The following LDLRAD3 variants were observed in gnomAD, a reference collection of about 807,000 sequenced individuals.
LDLRAD3 encodes low-density lipoprotein receptor class A domain-containing protein 3.
Under a neutral mutation model 29.4 loss-of-function variants are expected in LDLRAD3, and 20 were observed. The ratio of observed to expected loss-of-function variants is 0.68; its 90% confidence interval spans 0.48 to 0.99. LDLRAD3 has a LOEUF of 0.99. LDLRAD3 is among the 50% of genes least tolerant of loss of function. The pLI, the probability that LDLRAD3 is intolerant of heterozygous loss-of-function variation, is 0.00. For synonymous variants in LDLRAD3, 157 were observed against 192.7 expected, an observed-to-expected ratio of 0.81 and a Z score of 1.53; for missense variants, 420 against 454.3, an observed-to-expected ratio of 0.92 and a Z score of 0.69.
At chr11:36,193,154 A>G (rs1052627377) in intron 4 of LDLRAD3, among the ~76,000 whole-genome samples, 1 of 152,180 alleles carries the variant, frequency 6.6e-6, no homozygotes, top group Non-Finnish European at 1.5e-5. Context: ...CATCTGTAAA[A>G]TGGGGGTAAT....
intron 4 of LDLRAD3, among the ~76,000 whole-genome samples, chr11:36,202,973 G>T (rs1292391904): frequency 2.0e-5 from 3 of 152,098 alleles, no homozygotes; most frequent in African/African-American, 7.2e-5. Flanking sequence ...GTCTTGCTCT[G>T]TCGCCCAGGC....
intron 1 of LDLRAD3, among the ~76,000 whole-genome samples, chr11:35,975,425 A>G (rs2133151256): frequency 6.6e-6 from 1 of 152,240 alleles, no homozygotes; most frequent in South Asian, 2.1e-4. Context: ...GAAGAACAAG[A>G]GCATGCAGAA....
chr11:36,218,689 C>T (rs944870168), intron 4 of LDLRAD3, among the ~76,000 whole-genome samples: 2 of 152,212 alleles, frequency 1.3e-5, no homozygotes, highest in African/African-American at 4.8e-5. Context: ...GCCAGGTAAA[C>T]ATCCAGCATC....
At chr11:36,054,985 G>GCAT (rs1852594347) in intron 2 of LDLRAD3, among the ~76,000 whole-genome samples, 1 of 120,664 alleles carries the variant, frequency 8.3e-6, no homozygotes, top group Admixed American at 9.7e-5. Context: ...ATGGATGGAT[G>GCAT]GATGGATGGA....
chr11:35,994,957 C>T (rs1851735691), intron 1 of LDLRAD3, among the ~76,000 whole-genome samples: 1 of 152,228 alleles, frequency 6.6e-6, no homozygotes, highest in African/African-American at 2.4e-5. Flanking sequence ...GCTCTTTCCA[C>T]TACATCTGCA....
intron 3 of LDLRAD3, 41 bp downstream of exon 3, chr11:36,081,819 T>G (rs188767462): frequency 1.2e-6 from 2 of 1,608,994 alleles, no homozygotes; most frequent in East Asian, 4.5e-5. Flanking sequence ...CCTTGTTCTT[T>G]CCCGCCAGCC....
rs540862369 is a variant in LDLRAD3, at chr11:35,946,715, G to T, written c.46+2571G>T. 5.3e-5 allele frequency among the ~76,000 whole-genome samples: 8 copies of T among 152,186 alleles called. No homozygotes were observed. In the South Asian group the frequency reaches 1.7e-3, roughly 32 times the overall value. On this transcript the variant is annotated intron_variant, in intron 1 of 5. Transcript: ENST00000315571. The stretch of plus-strand genomic sequence containing the variant: ...CTTTGCCTAGACTTCCTGACATTCT[G>T]TATCAGTGAAAAGGCTTGATTTTCC...
At chr11:35,956,139 G>A (rs1309021491) in intron 1 of LDLRAD3, among the ~76,000 whole-genome samples, 1 of 152,194 alleles carries the variant, frequency 6.6e-6, no homozygotes, top group African/African-American at 2.4e-5. Context: ...AAAGGTTACT[G>A]AGGAGAAGGT....
intron 4 of LDLRAD3, chr11:36,196,239 A>G (rs141471586): frequency 2.0e-5 from 3 of 152,242 alleles, no homozygotes; most frequent in Non-Finnish European, 2.9e-5. Flanking sequence ...TTCTTACTCT[A>G]AGACACAAGG....
At chr11:36,191,384 AAAAATTATTATAGC>A (rs1854939573) in intron 4 of LDLRAD3, among the ~76,000 whole-genome samples, 1 of 151,852 alleles carries the variant, frequency 6.6e-6, no homozygotes, top group Non-Finnish European at 1.5e-5. Context: ...CAGAAAAATT[AAAAATTATTATAGC>A]TGGGCGTGGT....
At chr11:36,153,668 G>A (rs1281432758) in intron 4 of LDLRAD3, among the ~76,000 whole-genome samples, 1 of 152,080 alleles carries the variant, frequency 6.6e-6, no homozygotes, top group Non-Finnish European at 1.5e-5. Flanking sequence ...CAATCCCAGT[G>A]ACCCATTTCC....
chr11:36,191,843 A>C (rs1854958690), intron 4 of LDLRAD3, among the ~76,000 whole-genome samples: 1 of 151,962 alleles, frequency 6.6e-6, no homozygotes, highest in Non-Finnish European at 1.5e-5. Flanking sequence ...TTTCTTGATC[A>C]AGATAATAAA....
rs190655908 is a variant in LDLRAD3, at chr11:36,165,648, T to G, written c.455-61437T>G. 6.4e-4 allele frequency among the ~76,000 whole-genome samples: 98 copies of G among 152,286 alleles called. No homozygotes were observed. In the Middle Eastern group the frequency reaches 0.01, roughly 16 times the overall value. ...TATTTAGGAAGGTCCTGCTGTGTTT[T>G]GCATAGTTCATTGGAAATTCTAGGA... On this transcript the variant is annotated intron_variant, in intron 4 of 5. Transcript: ENST00000315571.
At chr11:36,071,474 C>A (rs1299655489) in intron 2 of LDLRAD3, among the ~76,000 whole-genome samples, 1 of 152,148 alleles carries the variant, frequency 6.6e-6, no homozygotes, top group African/African-American at 2.4e-5. Flanking sequence ...ATTGAAAACA[C>A]CCCAAATGTC....
chr11:36,209,594 G>A (rs993549918), intron 4 of LDLRAD3, among the ~76,000 whole-genome samples: 2 of 151,976 alleles, frequency 1.3e-5, no homozygotes, highest in Non-Finnish European at 2.9e-5. Flanking sequence ...TACTGACCTC[G>A]TGATCCACCT....
chr11:35,976,682 A>G (rs1851480214), intron 1 of LDLRAD3, among the ~76,000 whole-genome samples: 1 of 152,130 alleles, frequency 6.6e-6, no homozygotes, highest in African/African-American at 2.4e-5. Context: ...TGAGTTGAAT[A>G]ACACAAAGTC....
chr11:36,213,606 C>A lies in LDLRAD3; in HGVS notation c.455-13479C>A, dbSNP rs116554434. On this transcript the variant is annotated intron_variant, in intron 4 of 5. Coordinates refer to ENST00000315571, the MANE Select transcript of LDLRAD3 (RefSeq NM_174902.4). The surrounding 1 kb of genome is among the most constrained non-coding windows in gnomAD (Gnocchi z 4.1). Reference sequence around the variant, plus strand: ...GTGTGGCTGCCACTGTGGCAGAGGCCATGGTAGGAGGCATGCAGGAGTGAA... The same window carrying A: ...GTGTGGCTGCCACTGTGGCAGAGGCAATGGTAGGAGGCATGCAGGAGTGAA... Among the ~76,000 whole-genome samples the A allele has an allele frequency of 5.7e-3, 872 of 152,294 alleles. 11 individuals carry two copies. The highest frequency in any genetic ancestry group is 0.02 in the African/African-American group (829 of 41,578).
intron 2 of LDLRAD3, among the ~76,000 whole-genome samples, chr11:36,051,072 C>T (rs1010148546): frequency 1.3e-4 from 20 of 152,148 alleles, no homozygotes; most frequent in Non-Finnish European, 8.8e-5. Context: ...AGGGACTCAA[C>T]AGAAGAATTT....
In LDLRAD3 at chr11:36,159,899, T is replaced by A. The variant is rs1413108637; in HGVS notation, c.454+61438T>A. 2.0e-5 allele frequency among the ~76,000 whole-genome samples: 3 copies of A among 152,180 alleles called. No homozygotes were observed. The East Asian group carries it at 5.8e-4, about 29-fold the overall frequency. On this transcript the variant is annotated intron_variant, in intron 4 of 5. Transcript: ENST00000315571. ...TCTCCTTCCATCCCAAGCCTGAGTCTTATGTTCCCTGCCCAGTAGTGAGTC... is the reference window on the plus strand; with the variant it reads ...TCTCCTTCCATCCCAAGCCTGAGTCATATGTTCCCTGCCCAGTAGTGAGTC...
Sources: allele counts gnomAD v4.1 joint callset (sites outside exome capture counted in the v4.1 genomes callset), GRCh38; gene constraint gnomAD v4.1.1; non-coding constraint Gnocchi (gnomAD v3.1); transcripts MANE v1.5; gene names NCBI Gene and HGNC (gene_info 2026-07-23, HGNC 2026-07-21).